ARID1B: variants seen among roughly 807,000 people sequenced by gnomAD.
ARID1B encodes AT-rich interactive domain-containing protein 1B.
ARID1B carries 30 observed loss-of-function variants against 212.3 expected under a neutral mutation model. The ratio of observed to expected loss-of-function variants is 0.14; its 90% CI spans 0.11 to 0.19. The LOEUF is 0.19. ARID1B is among the 10% of genes least tolerant of loss of function. The pLI is 1.00. For missense variants in ARID1B, 2,891 were observed against 3,204.0 expected (o/e 0.90, Z 2.36); for synonymous variants, 1,402 against 1,301.7 (o/e 1.08, Z -1.66).
At chr6:157,172,342 A>G (rs1562321912) in intron 9 of ARID1B, among the ~76,000 whole-genome samples, 2 of 152,200 alleles carry the variant, frequency 1.3e-5, no homozygotes, top group Non-Finnish European at 2.9e-5. Context: ...AGCTGATCCC[A>G]ATAGATTTTT....
intron 4 of ARID1B, among the ~76,000 whole-genome samples, chr6:156,948,421 G>A (rs1462009369): frequency 1.3e-5 from 2 of 152,082 alleles, no homozygotes; most frequent in Admixed American, 1.3e-4. Flanking sequence ...GTGGGTGGTG[G>A]GGGTGGAGGG....
chr6:156,884,477 G>A (rs1368102100), intron 2 of ARID1B, among the ~76,000 whole-genome samples: 1 of 152,124 alleles, frequency 6.6e-6, no homozygotes, highest in East Asian at 1.9e-4. Flanking sequence ...TAAGCAGTGC[G>A]CCTTCCCAGT....
rs1206664729 is a variant in ARID1B, at chr6:156,778,043, C to T, written c.363C>T (p.Ser121=). ...GGSAAALSSS[S]SSSAAAAAAS... ...GCGCCGCCGCGCTGTCCTCCTCCTC[C>T]TCCTCCTCCGCGGCGGCAGCGGCGG... Residue 121 remains serine (S), a synonymous_variant, in exon 1 of 20, where the codon TCC becomes TCT. Transcript: ENST00000636930. The T allele has an allele frequency of 7.2e-6, 11 of 1,535,868 alleles. No individual in the cohort carries two copies. Among genetic ancestry groups the T allele is most frequent in the Non-Finnish European group, 9.6e-6 (11 of 1,145,778 alleles).
In ARID1B at chr6:157,206,211, C is replaced by T. The variant is rs1457736861; in HGVS notation, c.5439C>T (p.Cys1813=). 4 of 1,614,122 alleles carry T rather than the reference C, an allele frequency of 2.5e-6. No homozygotes were observed. The highest frequency in any genetic ancestry group is 2.2e-5 in the South Asian group (2 of 91,068). ...LELLVEYFRK[C]LIDIFGILME... ...TTTTAGTCGAGTACTTTAGAAAATG[C>T]CTGATTGACATTTTTGGAATTCTTA... is the stretch of plus-strand genomic sequence containing the variant. Residue 1813 remains cysteine, a synonymous_variant, in exon 20 of 20, where the codon TGC becomes TGT. Transcript: ENST00000636930. This position sits in a 1 kb window ranked among gnomAD's most constrained non-coding sequence, Gnocchi z 6.8.
intron 5 of ARID1B, among the ~76,000 whole-genome samples, chr6:157,086,086 CT>C (rs1252375164): frequency 2.0e-5 from 3 of 152,160 alleles, no homozygotes; most frequent in South Asian, 2.1e-4. Flanking sequence ...ATATGAGACA[CT>C]TTTGTGCATG....
chr6:156,968,362 T>C (rs1375595737), intron 4 of ARID1B, among the ~76,000 whole-genome samples: 1 of 152,238 alleles, frequency 6.6e-6, no homozygotes, highest in Non-Finnish European at 1.5e-5. Flanking sequence ...TGTAAAGATA[T>C]GAAACACTTG....
intron 16 of ARID1B, among the ~76,000 whole-genome samples, chr6:157,197,932 G>A (rs1793842947): frequency 6.6e-6 from 1 of 152,126 alleles, no homozygotes; most frequent in Non-Finnish European, 1.5e-5. Flanking sequence ...TCCCGTGTCT[G>A]TTTCACATGT....
chr6:156,829,455 G>A (rs577610301), intron 2 of ARID1B, 34 bp downstream of exon 2: 1 of 1,587,038 alleles, frequency 6.3e-7, no homozygotes, highest in East Asian at 2.3e-5. Flanking sequence ...CTGCTTTTTT[G>A]TAATAGTTTT....
At chr6:157,130,493 C>G (rs1257201322) in intron 6 of ARID1B, among the ~76,000 whole-genome samples, 2 of 152,254 alleles carry the variant, frequency 1.3e-5, no homozygotes, top group African/African-American at 2.4e-5. Context: ...TGTTTGTTTT[C>G]AGATTGAATA....
At chr6:157,082,714 TTC>T (rs1214710231) in intron 4 of ARID1B, among the ~76,000 whole-genome samples, 1 of 152,126 alleles carries the variant, frequency 6.6e-6, no homozygotes, top group African/African-American at 2.4e-5. Flanking sequence ...CACTCCAGGC[TTC>T]TGTTTTGGAG....
chr6:157,123,161 G>A (rs772334990), intron 6 of ARID1B, among the ~76,000 whole-genome samples: 9 of 151,614 alleles, frequency 5.9e-5, no homozygotes, highest in South Asian at 2.1e-4. Context: ...TCAGATACTC[G>A]ATGGGGATTT....
At position 157,106,521 on chromosome 6, in the gene ARID1B, T is replaced by C. The variant is rs143177140; in HGVS notation, c.2492-3951T>C. ...CTCAGTTCACATCAGAGAAGCCTAT[T>C]TCCTAGAAGGCCTGAACCCTGTTGA... is the stretch of plus-strand genomic sequence containing the variant. On this transcript the variant is annotated intron_variant, in intron 5 of 19. Transcript: ENST00000636930. Among the ~76,000 whole-genome samples the C allele has an allele frequency of 7.0e-3, 1,063 of 152,318 alleles. 18 individuals are homozygous for C. Among genetic ancestry groups the C allele is most frequent in the African/African-American group, 0.025 (1,020 of 41,566 alleles).
chr6:157,011,813 G>A (rs763062607), intron 4 of ARID1B, among the ~76,000 whole-genome samples: 1 of 152,124 alleles, frequency 6.6e-6, no homozygotes, highest in African/African-American at 2.4e-5. Context: ...TTTTCAAAAG[G>A]TACAGTTATT....
intron 2 of ARID1B, among the ~76,000 whole-genome samples, chr6:156,832,052 C>T (rs62435816): frequency 0.066 from 9,992 of 152,148 alleles, 368 homozygotes; most frequent in Middle Eastern, 0.12. Flanking sequence ...TAACAGAATG[C>T]ACTTTTGAAT....
chr6:156,987,969 A>G (rs1257496242), intron 4 of ARID1B, among the ~76,000 whole-genome samples: 1 of 152,236 alleles, frequency 6.6e-6, no homozygotes, highest in Non-Finnish European at 1.5e-5. Context: ...AAGTGTGTGC[A>G]TGATGGTGAT....
chr6:157,102,874 G>A (rs1035888249), intron 5 of ARID1B, among the ~76,000 whole-genome samples: 2 of 152,108 alleles, frequency 1.3e-5, no homozygotes, highest in Non-Finnish European at 2.9e-5. Flanking sequence ...TGGGATTACA[G>A]GTGTGAGCCA....
rs144497346 is a variant in ARID1B, at chr6:156,969,761, A to G, written c.2247+34185A>G. Among the ~76,000 whole-genome samples, 1,448 of 152,324 alleles carry G rather than the reference A, an allele frequency of 9.5e-3. 11 individuals are homozygous for G. Among genetic ancestry groups the G allele is most frequent in the Non-Finnish European group, 0.017 (1,138 of 68,026 alleles). ...ACTTAGACTCTGGAACACTTATTAA[A>G]ATAGAAGTTTAAAAGCATACTTCAG... On this transcript the variant is annotated intron_variant, in intron 4 of 19. Transcript: ENST00000636930.
chr6:157,199,020 T>G, intron 17 of ARID1B, 113 bp downstream of exon 17: 1 of 905,380 alleles, frequency 1.1e-6, no homozygotes, highest in Non-Finnish European at 1.6e-6. Context: ...AAATGATTAG[T>G]GTTTGTTGAG....
chr6:156,890,641 T>C (rs563088923), intron 2 of ARID1B, among the ~76,000 whole-genome samples: 2 of 152,340 alleles, frequency 1.3e-5, no homozygotes, highest in African/African-American at 4.8e-5. Context: ...ACCCAGCTTG[T>C]GGGTGTGGGT....
Sources: allele counts gnomAD v4.1 joint callset (sites outside exome capture counted in the v4.1 genomes callset), GRCh38; gene constraint gnomAD v4.1.1; non-coding constraint Gnocchi (gnomAD v3.1); transcripts MANE v1.5; gene names NCBI Gene and HGNC (gene_info 2026-07-23, HGNC 2026-07-21).